Variants in STXBP5 observed in about 807,000 individuals in gnomAD.
STXBP5 encodes the protein syntaxin-binding protein 5.
A neutral mutation model predicts 152.4 loss-of-function variants in STXBP5; 50 were observed. The ratio of observed to expected loss-of-function variants is 0.33; its 90% CI spans 0.26 to 0.42. STXBP5 has a LOEUF of 0.42. STXBP5 is among the 10% of genes least tolerant of loss of function. The probability of loss-of-function intolerance (pLI) is 1.00; values close to 1 mark genes in which losing one functional copy is unlikely to be tolerated. For missense variants in STXBP5, 1,167 were observed against 1,388.6 expected (o/e 0.84, Z 2.54); for synonymous variants, 492 against 494.7 (o/e 0.99, Z 0.07).
intron 16 of STXBP5, among the ~76,000 whole-genome samples, chr6:147,319,927 G>A (rs1412717601): frequency 1.5e-5 from 2 of 136,996 alleles, no homozygotes; most frequent in African/African-American, 2.7e-5. Context: ...CTGCAGCCAC[G>A]ACCTCCTGGG....
chr6:147,320,899 T>C (rs915047713), intron 16 of STXBP5, among the ~76,000 whole-genome samples: 4 of 152,088 alleles, frequency 2.6e-5, no homozygotes, highest in African/African-American at 9.7e-5. Context: ...AACATAGGGA[T>C]TGCATGATAA....
intron 26 of STXBP5, among the ~76,000 whole-genome samples, chr6:147,379,371 A>C (rs1257965910): frequency 6.6e-6 from 1 of 152,156 alleles, no homozygotes; most frequent in African/African-American, 2.4e-5. Flanking sequence ...CAGAATCTCC[A>C]TGGGGAAAGT....
intron 18 of STXBP5, among the ~76,000 whole-genome samples, chr6:147,329,617 C>CTT (rs34913817): frequency 0.6 from 42,708 of 71,292 alleles, 19,365 homozygotes; most frequent in African/African-American, 0.72. Flanking sequence ...GTTCTTCAGG[C>CTT]TTTTTTTTTT....
chr6:147,228,807 A>G (rs1051950754), intron 2 of STXBP5, among the ~76,000 whole-genome samples: 2 of 152,136 alleles, frequency 1.3e-5, no homozygotes, highest in Non-Finnish European at 2.9e-5. Context: ...TTTCCTGAGC[A>G]ATTTTCATCA....
chr6:147,283,760 C>G (rs1293411998), intron 8 of STXBP5, among the ~76,000 whole-genome samples: 1 of 152,148 alleles, frequency 6.6e-6, no homozygotes, highest in Non-Finnish European at 1.5e-5. Context: ...CATCATAAAT[C>G]CCACTGTCCT....
chr6:147,319,624 A>C (rs1240221658), intron 16 of STXBP5, among the ~76,000 whole-genome samples: 4 of 152,122 alleles, frequency 2.6e-5, no homozygotes, highest in Admixed American at 2.6e-4. Flanking sequence ...ATTTTAAGGG[A>C]CAGTTCTTTT....
chr6:147,348,349 C>T (rs1000911323), intron 21 of STXBP5, among the ~76,000 whole-genome samples: 1 of 150,530 alleles, frequency 6.6e-6, no homozygotes, highest in Non-Finnish European at 1.5e-5. Context: ...CTCCCTCCCT[C>T]TCCCTCACCT....
chr6:147,256,981 CATA>C (rs1308896116), intron 4 of STXBP5, among the ~76,000 whole-genome samples: 1 of 152,022 alleles, frequency 6.6e-6, no homozygotes, highest in East Asian at 1.9e-4. Context: ...TGCTTGACTA[CATA>C]ATATTTGACA....
rs950466008 is a variant in STXBP5, at chr6:147,216,120, G to A, written c.248+10052G>A. The stretch of plus-strand genomic sequence containing the variant: ...TTTTTAAAAATTCATGGCTGGGCAC[G>A]GTTGCTCACGCCTGTAATCCCAGCG... On this transcript the variant is annotated intron_variant, in intron 2 of 27. Coordinates refer to ENST00000321680, the MANE Select transcript of STXBP5 (RefSeq NM_001127715.4). 2.0e-5 allele frequency among the ~76,000 whole-genome samples: 3 copies of A among 152,078 alleles called. 1 individual carries two copies. Among genetic ancestry groups the A allele is most frequent in the South Asian group, 4.1e-4 (2 of 4,826 alleles).
chr6:147,338,568 T>C (rs1783941133), intron 19 of STXBP5, among the ~76,000 whole-genome samples: 1 of 151,984 alleles, frequency 6.6e-6, no homozygotes, highest in Non-Finnish European at 1.5e-5. Flanking sequence ...GGTAAGATTA[T>C]ATGATAATAT....
At chr6:147,351,739 C>A in intron 21 of STXBP5, 1 of 391,922 alleles carries the variant, frequency 2.6e-6, no homozygotes, top group Non-Finnish European at 3.5e-6. Flanking sequence ...GTTAATGAAG[C>A]TGAGAAGTGA....
chr6:147,375,636 T>TAAATAG (rs1785774937), intron 26 of STXBP5, among the ~76,000 whole-genome samples: 1 of 150,504 alleles, frequency 6.6e-6, no homozygotes, highest in Non-Finnish European at 1.5e-5. Context: ...AATATAAATA[T>TAAATAG]ATATATAAAG....
intron 16 of STXBP5, 83 bp from the exon 17 acceptor site, chr6:147,324,876 C>A: frequency 8.4e-7 from 1 of 1,184,028 alleles, no homozygotes; most frequent in Non-Finnish European, 1.1e-6. Flanking sequence ...TATCTAGTAT[C>A]GTTTCATATA....
intron 7 of STXBP5, among the ~76,000 whole-genome samples, chr6:147,275,933 A>C (rs966374720): frequency 2.6e-5 from 4 of 152,090 alleles, no homozygotes; most frequent in African/African-American, 9.7e-5. Flanking sequence ...CAATTCACAC[A>C]CAAAATTTAT....
intron 9 of STXBP5, among the ~76,000 whole-genome samples, chr6:147,306,836 C>T (rs1782119908): frequency 6.6e-6 from 1 of 152,206 alleles, no homozygotes; most frequent in Non-Finnish European, 1.5e-5. Context: ...CATGCTGTCT[C>T]ACTATCGCTC....
At chr6:147,311,815 A>G (rs1342596852) in intron 11 of STXBP5, among the ~76,000 whole-genome samples, 1 of 152,182 alleles carries the variant, frequency 6.6e-6, no homozygotes, top group Non-Finnish European at 1.5e-5. Context: ...AGCACGTCAA[A>G]AATTAATCCC....
rs1582807010 is a variant in STXBP5, at chr6:147,224,295, G to A, written c.249-10955G>A. ...AAAGAAATTTGCCGGGCATGGTGGT[G>A]CATGCCTGTAATCCCAGCTACTGGG... On this transcript the variant is annotated intron_variant, in intron 2 of 27. Transcript: ENST00000321680. Among the ~76,000 whole-genome samples the A allele has an allele frequency of 2.0e-5, 3 of 152,148 alleles. No individual in the cohort carries two copies. The South Asian group carries it at 6.2e-4, about 32-fold the overall frequency.
At chr6:147,332,677 A>G (rs775772665) in intron 18 of STXBP5, among the ~76,000 whole-genome samples, 3 of 152,198 alleles carry the variant, frequency 2.0e-5, no homozygotes, top group Non-Finnish European at 2.9e-5. Context: ...AGGATCATCT[A>G]CATCACCCAA....
At chr6:147,289,949 C>T (rs1418038115) in intron 8 of STXBP5, among the ~76,000 whole-genome samples, 2 of 152,126 alleles carry the variant, frequency 1.3e-5, no homozygotes, top group African/African-American at 4.8e-5. Flanking sequence ...GCCTGTAATC[C>T]CAGCACTTCA....
Sources: allele counts gnomAD v4.1 joint callset (sites outside exome capture counted in the v4.1 genomes callset), GRCh38; gene constraint gnomAD v4.1.1; transcripts MANE v1.5; gene names NCBI Gene and HGNC (gene_info 2026-07-23, HGNC 2026-07-21).